The following NEGR1 variants were observed in gnomAD, a reference collection of about 807,000 sequenced individuals.
NEGR1 encodes the protein neuronal growth regulator 1.
In NEGR1, 10 loss-of-function variants were observed where a neutral mutation model predicts 40.9. That is an observed-to-expected ratio of 0.24 (90% confidence interval 0.15 to 0.42). The LOEUF is 0.42. NEGR1 is among the 10% of genes least tolerant of loss of function. NEGR1 has a pLI of 1.00. For missense variants in NEGR1, 352 were observed against 438.9 expected (o/e 0.80, Z 1.77); for synonymous variants, 185 against 166.8 (o/e 1.11, Z -0.84).
chr1:71,637,207 C>A lies in NEGR1; in HGVS notation c.668-26061G>T, dbSNP rs373738871. Among the ~76,000 whole-genome samples the A allele has an allele frequency of 5.9e-5, 9 of 151,864 alleles. No individual in the cohort carries two copies. The East Asian group carries it at 1.4e-3, about 23-fold the overall frequency. On this transcript the variant is annotated intron_variant, in intron 4 of 6. Coordinates refer to ENST00000357731, the MANE Select transcript of NEGR1 (RefSeq NM_173808.3). ...TTTCATGTGCATGTGTCTATCACAC[C>A]AAGCATGCCAGCATATTATTACATA... is the stretch of plus-strand genomic sequence containing the variant.
At chr1:72,263,145 AC>A (rs142643644) in intron 1 of NEGR1, among the ~76,000 whole-genome samples, 1 of 151,680 alleles carries the variant, frequency 6.6e-6, no homozygotes, top group African/African-American at 2.4e-5. Context: ...ATCTACATAT[AC>A]TTAAATATTA....
At chr1:72,259,989 GC>G (rs1337827236) in intron 1 of NEGR1, among the ~76,000 whole-genome samples, 1 of 151,912 alleles carries the variant, frequency 6.6e-6, no homozygotes, top group Non-Finnish European at 1.5e-5. Context: ...AAAATAATCA[GC>G]TGAAATATAA....
At chr1:72,058,532 G>A (rs974437439) in intron 1 of NEGR1, among the ~76,000 whole-genome samples, 5 of 151,744 alleles carry the variant, frequency 3.3e-5, no homozygotes, top group African/African-American at 1.2e-4. Flanking sequence ...TTAAGCCACA[G>A]TTTTGGCTGT....
At chr1:71,730,229 G>A (rs1279840357) in intron 3 of NEGR1, among the ~76,000 whole-genome samples, 1 of 151,964 alleles carries the variant, frequency 6.6e-6, no homozygotes, top group Admixed American at 6.6e-5. Flanking sequence ...TAAGTAGATG[G>A]TAAAAATAAG....
intron 1 of NEGR1, among the ~76,000 whole-genome samples, chr1:72,121,291 G>A (rs1649796593): frequency 6.6e-6 from 1 of 151,836 alleles, no homozygotes; most frequent in Admixed American, 6.6e-5. Flanking sequence ...AAAATTAATT[G>A]CATAGAATTC....
At chr1:71,875,263 A>G (rs1166784302) in intron 2 of NEGR1, among the ~76,000 whole-genome samples, 3 of 152,196 alleles carry the variant, frequency 2.0e-5, no homozygotes, top group Admixed American at 2.0e-4. Context: ...GTTTCAAGAA[A>G]AATAAATCCT....
At chr1:71,685,864 A>T (rs1253917244) in intron 4 of NEGR1, among the ~76,000 whole-genome samples, 5 of 152,202 alleles carry the variant, frequency 3.3e-5, no homozygotes, top group African/African-American at 1.2e-4. Flanking sequence ...TTTTGAAGAA[A>T]CTTATGAAAT....
intron 6 of NEGR1, among the ~76,000 whole-genome samples, chr1:71,453,547 G>A (rs1306866456): frequency 6.6e-6 from 1 of 152,026 alleles, no homozygotes; most frequent in Non-Finnish European, 1.5e-5. Flanking sequence ...AATTTTTTAT[G>A]CCAAGACGGG....
intron 6 of NEGR1, among the ~76,000 whole-genome samples, chr1:71,441,835 T>C (rs1646549276): frequency 6.6e-6 from 1 of 152,162 alleles, no homozygotes; most frequent in South Asian, 2.1e-4. Context: ...CAAACAAAGA[T>C]AGTCCAATTA....
chr1:71,993,051 T>C (rs145202639), intron 1 of NEGR1, among the ~76,000 whole-genome samples: 347 of 152,282 alleles, frequency 2.3e-3, no homozygotes, highest in African/African-American at 8.0e-3. Flanking sequence ...TTCAGAGGTT[T>C]CCTGAGGCAG....
chr1:71,935,020 A>C, intron 2 of NEGR1, 59 bp downstream of exon 2: 1 of 979,758 alleles, frequency 1.0e-6, no homozygotes, highest in Non-Finnish European at 1.6e-6. Context: ...TTTGATACCT[A>C]AATATTAAAT....
intron 1 of NEGR1, among the ~76,000 whole-genome samples, chr1:72,009,047 C>T (rs1194516652): frequency 6.6e-6 from 1 of 151,116 alleles, no homozygotes; most frequent in Non-Finnish European, 1.5e-5. Flanking sequence ...GTGATCATAT[C>T]TCATATTACA....
intron 2 of NEGR1, among the ~76,000 whole-genome samples, chr1:71,873,028 C>A (rs72678989): frequency 0.021 from 3,064 of 145,838 alleles, 33 homozygotes; most frequent in Non-Finnish European, 0.028. Flanking sequence ...ATGACTCAGA[C>A]ATACTATTTC....
At chr1:71,428,301 T>G (rs1646442419) in intron 6 of NEGR1, among the ~76,000 whole-genome samples, 1 of 152,214 alleles carries the variant, frequency 6.6e-6, no homozygotes, top group Admixed American at 6.5e-5. Context: ...GCTGAAGATT[T>G]CACACCTGCT....
rs1390800212 is a variant in NEGR1 at position 71,844,006 on chromosome 1, T to C, written c.410-67709A>G. Among the ~76,000 whole-genome samples the C allele has an allele frequency of 4.6e-5, 7 of 152,104 alleles. No homozygotes were observed. In the East Asian group the frequency reaches 1.4e-3, roughly 29 times the overall value. On this transcript the variant is annotated intron_variant, in intron 2 of 6. Coordinates refer to ENST00000357731, the MANE Select transcript of NEGR1 (RefSeq NM_173808.3). Reference sequence around the variant, plus strand: ...CAGGCTAGCCTTCTTTTAATTGAACTGGAGAGGGAGGTAAAGAGAGGATGT... The same window carrying C: ...CAGGCTAGCCTTCTTTTAATTGAACCGGAGAGGGAGGTAAAGAGAGGATGT...
At chr1:71,453,693 T>C (rs1646649958) in intron 6 of NEGR1, among the ~76,000 whole-genome samples, 1 of 152,166 alleles carries the variant, frequency 6.6e-6, no homozygotes, top group Admixed American at 6.5e-5. Context: ...AAGCAAGTGC[T>C]ATTGCCCTCG....
At position 71,491,705 on chromosome 1, in the gene NEGR1, A is replaced by G. The variant is rs565758722; in HGVS notation, c.941-84135T>C. Reference sequence around the variant, plus strand: ...CTCTCCACATTTCCAGCCTGTGTGTACCACAGTAGCAAATGTTCTTTCATT... The same window carrying G: ...CTCTCCACATTTCCAGCCTGTGTGTGCCACAGTAGCAAATGTTCTTTCATT... On this transcript the variant is annotated intron_variant, in intron 6 of 6. Coordinates refer to ENST00000357731, the MANE Select transcript of NEGR1 (RefSeq NM_173808.3). Among the ~76,000 whole-genome samples the G allele has an allele frequency of 6.6e-4, 101 of 152,080 alleles. 1 individual carries two copies. The highest frequency in any genetic ancestry group is 2.9e-3 in the South Asian group (14 of 4,824).
At chr1:71,771,251 G>A (rs1314636805) in intron 3 of NEGR1, among the ~76,000 whole-genome samples, 1 of 152,072 alleles carries the variant, frequency 6.6e-6, no homozygotes, top group African/African-American at 2.4e-5. Context: ...GTTGAACAAC[G>A]AGAACATGGA....
In NEGR1 at chr1:72,125,447, G is replaced by A. The variant is rs148943267; in HGVS notation, c.176+156872C>T. Among the ~76,000 whole-genome samples, 824 of 147,806 alleles carry A rather than the reference G, an allele frequency of 5.6e-3. 5 individuals are homozygous for A. The highest frequency in any genetic ancestry group is 0.019 in the African/African-American group (786 of 41,174). On this transcript the variant is annotated intron_variant, in intron 1 of 6. Transcript: ENST00000357731. Reference sequence around the variant, plus strand: ...ATGTACAAAGTTATAAAATGCAATAGAAAACGTGGCCAAATAAAAAAAAAT... The same window carrying A: ...ATGTACAAAGTTATAAAATGCAATAAAAAACGTGGCCAAATAAAAAAAAAT...
Sources: allele counts gnomAD v4.1 joint callset (sites outside exome capture counted in the v4.1 genomes callset), GRCh38; gene constraint gnomAD v4.1.1; transcripts MANE v1.5; gene names NCBI Gene and HGNC (gene_info 2026-07-23, HGNC 2026-07-21).